SCRN1: variants seen among roughly 807,000 people sequenced by gnomAD.
The protein encoded by SCRN1 is secernin 1, also known as secernin-1.
SCRN1 carries 19 observed loss-of-function variants against 43.3 expected under a neutral mutation model. That is an observed-to-expected ratio of 0.44 (90% CI 0.31 to 0.64). The LOEUF (loss-of-function observed/expected upper bound fraction) is 0.64. SCRN1 is among the 30% of genes least tolerant of loss of function. The pLI is 0.09. For missense variants in SCRN1, 447 were observed against 524.1 expected, an observed-to-expected ratio of 0.85 and a Z score of 1.44; for synonymous variants, 183 against 188.9, an observed-to-expected ratio of 0.97 and a Z score of 0.26.
intron 1 of SCRN1, among the ~76,000 whole-genome samples, chr7:29,988,005 T>A (rs1789214398): frequency 6.6e-6 from 1 of 151,922 alleles, no homozygotes; most frequent in Admixed American, 6.6e-5. Flanking sequence ...AAAGACAAGA[T>A]GGCTGGCAGC....
At chr7:29,968,823 G>A in intron 2 of SCRN1, 86 bp downstream of exon 2, 2 of 1,518,504 alleles carry the variant, frequency 1.3e-6, no homozygotes, top group Non-Finnish European at 1.8e-6. Flanking sequence ...TTGTGAGCAA[G>A]CTTCCAAGCA....
At chr7:29,930,978 G>T (rs1227830573) in intron 6 of SCRN1, among the ~76,000 whole-genome samples, 2 of 152,038 alleles carry the variant, frequency 1.3e-5, no homozygotes, top group Non-Finnish European at 2.9e-5. Context: ...AAATCCAAGG[G>T]CTGAGACACA....
At chr7:29,970,751 G>A (rs923213332) in intron 1 of SCRN1, among the ~76,000 whole-genome samples, 2 of 151,948 alleles carry the variant, frequency 1.3e-5, no homozygotes, top group Non-Finnish European at 2.9e-5. Context: ...CTTTTCTCCC[G>A]CCATGCCTCT....
Position 29,965,748 on chromosome 7 carries a change from G to C in SCRN1, c.159+3161C>G, listed in dbSNP as rs1788466119. 6.6e-6 allele frequency among the ~76,000 whole-genome samples: 1 copy of C among 152,166 alleles called. No homozygotes were observed. Among genetic ancestry groups the C allele is most frequent in the Admixed American group, 6.5e-5 (1 of 15,298 alleles). Reference sequence around the variant, plus strand: ...CTATACTTATGTATGGAAGGGGACAGGATTTAACCTAAATATATCTGAGTA... The same window carrying C: ...CTATACTTATGTATGGAAGGGGACACGATTTAACCTAAATATATCTGAGTA... On this transcript the variant is annotated intron_variant, in intron 2 of 7. Transcript: ENST00000242059. The surrounding 1 kb of genome is among the most constrained non-coding windows in gnomAD (Gnocchi z 4.2).
chr7:29,953,593 A>G (rs1788029342), intron 3 of SCRN1, among the ~76,000 whole-genome samples: 1 of 152,108 alleles, frequency 6.6e-6, no homozygotes, highest in African/African-American at 2.4e-5. Context: ...AGAGAAAACT[A>G]GCTATATATA....
chr7:29,952,368 AAATT>A (rs1412830588), intron 3 of SCRN1, among the ~76,000 whole-genome samples: 1 of 152,190 alleles, frequency 6.6e-6, no homozygotes, highest in African/African-American at 2.4e-5. Context: ...AGCTTCTTAA[AAATT>A]AATACTAGAA....
At chr7:29,951,235 C>A (rs1359021532) in intron 3 of SCRN1, among the ~76,000 whole-genome samples, 2 of 152,264 alleles carry the variant, frequency 1.3e-5, no homozygotes, top group African/African-American at 4.8e-5. Flanking sequence ...GAGCTAGTGC[C>A]TGTGCCAACG....
chr7:29,954,926 C>A (rs1292484511), intron 3 of SCRN1, among the ~76,000 whole-genome samples: 3 of 152,198 alleles, frequency 2.0e-5, no homozygotes, highest in Admixed American at 6.5e-5. Context: ...GGTGATCCAC[C>A]TGCCTCGGCC....
At chr7:29,930,251 T>C (rs1020363520) in intron 6 of SCRN1, among the ~76,000 whole-genome samples, 3 of 152,144 alleles carry the variant, frequency 2.0e-5, no homozygotes. Flanking sequence ...ATAATTGCAA[T>C]ATTAATATTT....
Position 29,989,736 on chromosome 7 carries a change from G to C in SCRN1, c.-96C>G, listed in dbSNP as rs1583709174. 1.0e-6 allele frequency: 1 copy of C among 986,174 alleles called. No individual in the cohort carries two copies. Among genetic ancestry groups the C allele is most frequent in the Non-Finnish European group, 1.2e-6 (1 of 830,616 alleles). The allele number at this position is 986,174 out of a possible 1,614,324, so 61.1% of individuals were successfully genotyped here. On this transcript the variant is annotated 5_prime_UTR_variant, in exon 1 of 8. Coordinates refer to ENST00000242059, the MANE Select transcript of SCRN1 (RefSeq NM_014766.5). ...GTGCTGCCGGGTCCGGATTACTGCGGCGACCTCGGGGGCTGCAGCTGCAGT... is the reference window on the plus strand; with the variant it reads ...GTGCTGCCGGGTCCGGATTACTGCGCCGACCTCGGGGGCTGCAGCTGCAGT...
At position 29,938,114 on chromosome 7, in the gene SCRN1, C is replaced by T. The variant is rs145235988; in HGVS notation, c.740-1393G>A. 7.7e-4 allele frequency among the ~76,000 whole-genome samples: 117 copies of T among 152,186 alleles called. No individual in the cohort carries two copies. In the East Asian group the frequency reaches 0.014, roughly 18 times the overall value. On this transcript the variant is annotated intron_variant, in intron 5 of 7. Transcript: ENST00000242059. ...CGCAATCTTGGCTCACTGCATCCTCCGCCTCCCAGATTCAAGTGATTCGCC... is the reference window on the plus strand; with the variant it reads ...CGCAATCTTGGCTCACTGCATCCTCTGCCTCCCAGATTCAAGTGATTCGCC...
chr7:29,967,377 G>T (rs186854092), intron 2 of SCRN1, among the ~76,000 whole-genome samples: 205 of 149,512 alleles, frequency 1.4e-3, no homozygotes, highest in African/African-American at 4.9e-3. Context: ...ACTCAAAATA[G>T]AAATTCATGT....
At chr7:29,980,814 T>G (rs1351311720) in intron 1 of SCRN1, among the ~76,000 whole-genome samples, 2 of 152,218 alleles carry the variant, frequency 1.3e-5, no homozygotes, top group African/African-American at 4.8e-5. Context: ...TATACACATA[T>G]ATGAATACAT....
chr7:29,943,997 C>T lies in SCRN1; in HGVS notation c.524G>A (p.Trp175Ter). The part of the protein sequence containing the change: ...AWVLETIGKY[W>*]AAEKVTEGVR... The stretch of plus-strand genomic sequence containing the variant: ...CTCACCTGTGACTTTCTCGGCAGCC[C>T]AGTACTTCCCTATGGTCTCGAGCAC... Residue 175 changes from tryptophan (W) to a stop codon, truncating the protein, a stop_gained, in exon 4 of 8, where the codon TGG (tryptophan) becomes TAG (stop). Transcript: ENST00000242059. LOFTEE classifies it high-confidence loss of function. 2.5e-6 allele frequency: 4 copies of T among 1,614,206 alleles called. No individual in the cohort carries two copies. Among genetic ancestry groups the T allele is most frequent in the Non-Finnish European group, 3.4e-6 (4 of 1,180,038 alleles).
At chr7:29,930,734 G>C (rs1292332420) in intron 6 of SCRN1, among the ~76,000 whole-genome samples, 1 of 152,214 alleles carries the variant, frequency 6.6e-6, no homozygotes, top group African/African-American at 2.4e-5. Flanking sequence ...CCCTGGGTTG[G>C]GAATTTGCCC....
At chr7:29,949,521 G>A (rs902897758) in intron 3 of SCRN1, among the ~76,000 whole-genome samples, 5 of 151,472 alleles carry the variant, frequency 3.3e-5, no homozygotes, top group Admixed American at 1.3e-4. Context: ...GGGACCACAG[G>A]CGTGGGCCAC....
intron 1 of SCRN1, among the ~76,000 whole-genome samples, chr7:29,974,981 C>G (rs1788769233): frequency 6.6e-6 from 1 of 152,070 alleles, no homozygotes; most frequent in South Asian, 2.1e-4. Flanking sequence ...CGTGCTCAGC[C>G]CTACATGATT....
chr7:29,940,893 G>A lies in SCRN1; in HGVS notation c.545-17C>T. 1 of 1,473,850 alleles carries A rather than the reference G, an allele frequency of 6.8e-7. No individual in the cohort carries two copies. The highest frequency in any genetic ancestry group is 2.7e-5 in the East Asian group (1 of 37,562). 91.3% of individuals were successfully genotyped at this position (1,473,850 alleles called of 1,614,324 possible). On this transcript the variant is annotated splice_polypyrimidine_tract_variant and intron_variant, in intron 4 of 7. Coordinates refer to ENST00000242059, the MANE Select transcript of SCRN1 (RefSeq NM_014766.5). ...TCACTCCCTCTGCAGAGAGTGCAAA[G>A]CCCCATAAGTTAAAAATATACTTAT...
chr7:29,952,553 G>C (rs1200398024), intron 3 of SCRN1, among the ~76,000 whole-genome samples: 3 of 151,986 alleles, frequency 2.0e-5, no homozygotes, highest in Non-Finnish European at 4.4e-5. Context: ...AGCTGGGTGT[G>C]GTGGCATACA....
Sources: allele counts gnomAD v4.1 joint callset (sites outside exome capture counted in the v4.1 genomes callset), GRCh38; gene constraint gnomAD v4.1.1; non-coding constraint Gnocchi (gnomAD v3.1); transcripts MANE v1.5; gene names NCBI Gene and HGNC (gene_info 2026-07-23, HGNC 2026-07-21).